The following JCHAIN variants were observed in gnomAD, a reference collection of about 807,000 sequenced individuals.
JCHAIN encodes immunoglobulin J chain.
In JCHAIN, 5 loss-of-function variants were observed where a neutral mutation model predicts 11.1. That is an observed-to-expected ratio of 0.45 (90% CI 0.24 to 0.95). JCHAIN has a LOEUF of 0.95. JCHAIN is among the 40% of genes least tolerant of loss of function. The pLI is 0.21. For synonymous variants in JCHAIN, 51 were observed against 67.8 expected, an observed-to-expected ratio of 0.75 and a Z score of 1.22; for missense variants, 165 against 192.7, an observed-to-expected ratio of 0.86 and a Z score of 0.85.
intron 1 of JCHAIN, among the ~76,000 whole-genome samples, chr4:70,664,677 A>T (rs1475050725): frequency 1.3e-5 from 2 of 152,226 alleles, no homozygotes; most frequent in Admixed American, 6.5e-5. Context: ...GACTTAAATG[A>T]TGTCCTCTTT....
In JCHAIN at chr4:70,666,428, T is replaced by G. The variant is rs182852639; in HGVS notation, c.63A>C (p.Lys21Asn). ...GATCATTTTCTAAATATCACATACC[T>G]TTCACATGAACAGCCTTAATAAAAA... ...LAVFIKAVHV[K>N]AQEDERIVLV... The change falls in exon 1 of 4, where the codon AAA (lysine) becomes AAC (asparagine). Residue 21 changes from lysine (K) to asparagine (N), a missense_variant and splice_region_variant. By Grantham distance (94) the Lys-to-Asn change is moderately conservative. Coordinates refer to ENST00000254801, the MANE Select transcript of JCHAIN (RefSeq NM_144646.4). 6.2e-7 allele frequency: 1 copy of G among 1,603,586 alleles called. No homozygotes were observed. The highest frequency in any genetic ancestry group is 8.5e-7 in the Non-Finnish European group (1 of 1,170,470).
intron 2 of JCHAIN, among the ~76,000 whole-genome samples, chr4:70,660,631 G>T (rs950148212): frequency 6.6e-6 from 1 of 152,000 alleles, no homozygotes; most frequent in Non-Finnish European, 1.5e-5. Flanking sequence ...TGATCCACCC[G>T]CCTCGGCCTC....
rs1476727026 is a variant in JCHAIN, at chr4:70,656,507, A to G, written c.302T>C (p.Leu101Pro). The change falls in exon 4 of 4, where the codon CTG (leucine) becomes CCG (proline). Residue 101 changes from leucine to proline, a missense_variant. Leu to Pro is a moderately conservative substitution (Grantham distance 98, BLOSUM62 -3). Coordinates refer to ENST00000254801, the MANE Select transcript of JCHAIN (RefSeq NM_144646.4). ...GGTAGCAGTAACTATCTGATTATCC[A>G]GCTCCACTTCTGTAGGATCACATTT... ...CKKCDPTEVELDNQIVTATQS... is the reference protein window; with the variant it reads ...CKKCDPTEVEPDNQIVTATQS... 6.2e-7 allele frequency: 1 copy of G among 1,613,418 alleles called. No homozygotes were observed. The highest frequency in any genetic ancestry group is 8.5e-7 in the Non-Finnish European group (1 of 1,179,854).
chr4:70,656,154 A>G lies in JCHAIN; in HGVS notation c.*175T>C. On this transcript the variant is annotated 3_prime_UTR_variant, in exon 4 of 4. Coordinates refer to ENST00000254801, the MANE Select transcript of JCHAIN (RefSeq NM_144646.4). Reference sequence around the variant, plus strand: ...TATAATTAAGAAGTGATTACCTAATAAAGATAACAATGTGACTATTTTAAT... The same window carrying G: ...TATAATTAAGAAGTGATTACCTAATGAAGATAACAATGTGACTATTTTAAT... The G allele has an allele frequency of 3.3e-6, 2 of 597,498 alleles. No homozygotes were observed. Among genetic ancestry groups the G allele is most frequent in the Non-Finnish European group, 6.0e-6 (2 of 333,638 alleles). The allele number at this position is 597,498 out of a possible 1,614,324, so 37.0% of individuals were successfully genotyped here.
At position 70,657,200 on chromosome 4, in the gene JCHAIN, A is replaced by C. The variant is rs1346765047; in HGVS notation, c.269+11T>G. Reference sequence around the variant, plus strand: ...CACATCTATATTACTATGGAAAAAAATATATCTTACAGGTCAGACAAATGG... The same window carrying C: ...CACATCTATATTACTATGGAAAAAACTATATCTTACAGGTCAGACAAATGG... On this transcript the variant is annotated intron_variant, in intron 3 of 3. Transcript: ENST00000254801. 1.3e-6 allele frequency: 2 copies of C among 1,501,712 alleles called. No individual in the cohort carries two copies. The highest frequency in any genetic ancestry group is 1.1e-5 in the South Asian group (1 of 87,348). 93.0% of individuals were successfully genotyped at this position (1,501,712 alleles called of 1,614,324 possible). A position where few individuals can be genotyped will look rare whatever the true frequency, so the allele number is the denominator to read the frequency against.
chr4:70,657,834 G>A (rs950738142), intron 2 of JCHAIN, among the ~76,000 whole-genome samples: 2 of 152,138 alleles, frequency 1.3e-5, no homozygotes, highest in African/African-American at 4.8e-5. Flanking sequence ...TTTTAGAGGA[G>A]AGGAAATCAT....
intron 2 of JCHAIN, among the ~76,000 whole-genome samples, chr4:70,658,293 A>C (rs16845334): frequency 0.013 from 2,050 of 152,286 alleles, 45 homozygotes; most frequent in African/African-American, 0.042. Context: ...CACTGGCCAC[A>C]TTATTGCCAA....
At chr4:70,661,820 T>C (rs1739062242) in intron 2 of JCHAIN, among the ~76,000 whole-genome samples, 1 of 152,140 alleles carries the variant, frequency 6.6e-6, no homozygotes, top group Non-Finnish European at 1.5e-5. Flanking sequence ...AATAACTCCA[T>C]ATAAACAGTG....
intron 2 of JCHAIN, among the ~76,000 whole-genome samples, chr4:70,657,665 C>T (rs1414168679): frequency 6.6e-6 from 1 of 152,064 alleles, no homozygotes; most frequent in Non-Finnish European, 1.5e-5. Context: ...ATATCAAATG[C>T]CGTATCATAG....
chr4:70,663,799 G>A (rs912401272), intron 1 of JCHAIN, among the ~76,000 whole-genome samples: 1 of 151,592 alleles, frequency 6.6e-6, no homozygotes, highest in African/African-American at 2.4e-5. Flanking sequence ...GACCTCAGGT[G>A]ATCCACCCTC....
At position 70,656,487 on chromosome 4, in the gene JCHAIN, C is replaced by G. The variant is rs185001891; in HGVS notation, c.322G>C (p.Ala108Pro). ...EVELDNQIVT[A>P]TQSNICDEDS... ...TCATCACAGATATTGCTCTGGGTAG[C>G]AGTAACTATCTGATTATCCAGCTCC... is the stretch of plus-strand genomic sequence containing the variant. Residue 108 changes from alanine (A) to proline (P), a missense_variant, in exon 4 of 4, where the codon GCT (alanine) becomes CCT (proline). Coordinates refer to ENST00000254801, the MANE Select transcript of JCHAIN (RefSeq NM_144646.4). The G allele has an allele frequency of 1.2e-6, 2 of 1,613,818 alleles. 1 individual carries two copies. Among genetic ancestry groups the G allele is most frequent in the African/African-American group, 2.7e-5 (2 of 75,040 alleles).
intron 1 of JCHAIN, chr4:70,664,272 T>C (rs1739111102): frequency 6.6e-6 from 1 of 152,014 alleles, no homozygotes. Flanking sequence ...ATGTTAAATA[T>C]GCTTTATTCA....
At chr4:70,663,849 C>G (rs1739103847) in intron 1 of JCHAIN, among the ~76,000 whole-genome samples, 1 of 151,870 alleles carries the variant, frequency 6.6e-6, no homozygotes, top group African/African-American at 2.4e-5. Context: ...GCGTGAGCCA[C>G]CACGCCTGGC....
chr4:70,657,123 A>G (rs1405787883), intron 3 of JCHAIN, 88 bp downstream of exon 3: 3 of 686,990 alleles, frequency 4.4e-6, no homozygotes, highest in Non-Finnish European at 7.6e-6. Flanking sequence ...ACTCCAACAT[A>G]TTTTTAAAAA....
chr4:70,659,549 C>CAAAAAAAAAA lies in JCHAIN; in HGVS notation c.189-2268_189-2259dup. On this transcript the variant is annotated intron_variant, in intron 2 of 3. Transcript: ENST00000254801. ...TGGGCAACAGAGTGAGACTCTGTCT[C>CAAAAAAAAAA]AAAAAAAAAAAAAAAAAAAAAAAAA... 1.1e-3 allele frequency among the ~76,000 whole-genome samples: 19 copies of CAAAAAAAAAA among 16,552 alleles called. 4 individuals are homozygous for CAAAAAAAAAA. The highest frequency in any genetic ancestry group is 3.0e-3 in the African/African-American group (11 of 3,624). 10.9% of individuals were successfully genotyped at this position (16,552 alleles called of 152,430 possible).
rs1200490470 is a variant in JCHAIN at position 70,656,085 on chromosome 4, G to A, written c.*244C>T. ...TCCTAAGAGAGCATACCTCTTTCAG[G>A]TGAGCATGATAATTGGAAGATTTTG... On this transcript the variant is annotated 3_prime_UTR_variant, in exon 4 of 4. Coordinates refer to ENST00000254801, the MANE Select transcript of JCHAIN (RefSeq NM_144646.4). The A allele has an allele frequency of 2.2e-6, 1 of 450,392 alleles. No homozygotes were observed. The highest frequency in any genetic ancestry group is 3.7e-5 in the East Asian group (1 of 27,348). 27.9% of individuals were successfully genotyped at this position (450,392 alleles called of 1,614,324 possible). A position where few individuals can be genotyped will look rare whatever the true frequency, so the allele number is the denominator to read the frequency against.
At chr4:70,662,608 A>G (rs74819723) in intron 1 of JCHAIN, among the ~76,000 whole-genome samples, 4,700 of 152,282 alleles carry the variant, frequency 0.031, 98 homozygotes, top group Non-Finnish European at 0.047. Context: ...CCTTTTCATA[A>G]TAACAATCAG....
chr4:70,662,153 T>A lies in JCHAIN; in HGVS notation c.127A>T (p.Arg43Trp), dbSNP rs1739070867. Residue 43 changes from arginine to tryptophan, a missense_variant, in exon 2 of 4, where the codon AGG (arginine) becomes TGG (tryptophan). Arg to Trp is a moderately radical substitution (Grantham distance 101, BLOSUM62 -3). Transcript: ENST00000254801. ...NKCKCARITS[R>W]IIRSSEDPNE... ...GGATCTTCGGAAGAACGGATGATCC[T>A]GGAAGTAATCCGGGCACACTTACAT... 6.2e-7 allele frequency: 1 copy of A among 1,612,532 alleles called. No individual in the cohort carries two copies. Among genetic ancestry groups the A allele is most frequent in the Non-Finnish European group, 8.5e-7 (1 of 1,178,524 alleles).
Position 70,657,254 on chromosome 4 carries a change from T to A in JCHAIN, c.226A>T (p.Thr76Ser). 6.2e-7 allele frequency: 1 copy of A among 1,605,750 alleles called. No homozygotes were observed. The change falls in exon 3 of 4, where the codon ACC (threonine) becomes TCC (serine). Residue 76 changes from threonine (T) to serine (S), a missense_variant. By Grantham distance (58) the Thr-to-Ser change is moderately conservative. Coordinates refer to ENST00000254801, the MANE Select transcript of JCHAIN (RefSeq NM_144646.4). ...LNNRENISDP[T>S]SPLRTRFVYH... The stretch of plus-strand genomic sequence containing the variant: ...ACAAATCTGGTTCTCAATGGTGAGG[T>A]GGGATCAGAGATATTCTCCCTGTTG...
Sources: gnomAD v4.1 joint callset for allele counts (sites outside exome capture counted in the v4.1 genomes callset) on GRCh38, gnomAD v4.1.1 for gene constraint, MANE v1.5 for transcripts, NCBI Gene and HGNC (gene_info 2026-07-23, HGNC 2026-07-21) for gene names.